CDH8: variants seen among roughly 807,000 people sequenced by gnomAD.
CDH8 encodes the protein cadherin 8, also known as cadherin-8.
In CDH8, 17 loss-of-function variants were observed where a neutral mutation model predicts 68.1. That is an observed-to-expected ratio of 0.25 (90% confidence interval 0.17 to 0.37). The LOEUF (loss-of-function observed/expected upper bound fraction) is 0.37, where lower values mean the gene tolerates loss of function less well. Among genes scored for constraint, CDH8 ranks in the 10% least tolerant of loss-of-function variants. The probability of loss-of-function intolerance (pLI) is 1.00; values close to 1 mark genes in which losing one functional copy is unlikely to be tolerated. For missense variants in CDH8, 763 were observed against 999.3 expected (o/e 0.76, Z 3.19); for synonymous variants, 372 against 365.1 (o/e 1.02, Z -0.21).
intron 1 of CDH8, among the ~76,000 whole-genome samples, chr16:62,023,886 T>C (rs1187003422): frequency 6.6e-6 from 1 of 152,204 alleles, no homozygotes; most frequent in Non-Finnish European, 1.5e-5. Context: ...ATGTATGTTA[T>C]TCTCCAAAGG....
intron 2 of CDH8, among the ~76,000 whole-genome samples, chr16:61,925,190 T>G (rs1043123526): frequency 6.6e-6 from 1 of 152,128 alleles, no homozygotes; most frequent in Non-Finnish European, 1.5e-5. Flanking sequence ...ATTGTCCAAT[T>G]AAAGCAGGTG....
chr16:61,668,790 A>G (rs1214360305), intron 10 of CDH8, among the ~76,000 whole-genome samples: 1 of 151,968 alleles, frequency 6.6e-6, no homozygotes, highest in African/African-American at 2.4e-5. Flanking sequence ...AGAAGAGCAA[A>G]TTCCCTACCA....
intron 3 of CDH8, among the ~76,000 whole-genome samples, chr16:61,883,870 A>T (rs1963622909): frequency 6.6e-6 from 1 of 152,126 alleles, no homozygotes; most frequent in Non-Finnish European, 1.5e-5. Flanking sequence ...TATTAAATGT[A>T]TTTGATGAGA....
chr16:61,965,369 G>A (rs1423870884), intron 2 of CDH8, among the ~76,000 whole-genome samples: 1 of 152,146 alleles, frequency 6.6e-6, no homozygotes, highest in Non-Finnish European at 1.5e-5. Context: ...CATAAGGGCT[G>A]GGATCACGTC....
chr16:61,810,020 A>T (rs935223992), intron 7 of CDH8, among the ~76,000 whole-genome samples: 1 of 152,228 alleles, frequency 6.6e-6, no homozygotes. Flanking sequence ...GCACTTTTAT[A>T]TCATAAAAAA....
intron 8 of CDH8, among the ~76,000 whole-genome samples, chr16:61,741,870 T>C (rs1322641034): frequency 2.0e-5 from 3 of 152,164 alleles, no homozygotes; most frequent in Non-Finnish European, 4.4e-5. Flanking sequence ...TTTGCCAAAT[T>C]ATACACACAC....
intron 5 of CDH8, among the ~76,000 whole-genome samples, chr16:61,821,351 A>C (rs569665405): frequency 3.9e-5 from 6 of 152,196 alleles, no homozygotes; most frequent in Admixed American, 3.3e-4. Context: ...CTTCTGAGAT[A>C]TGAAACTTAC....
chr16:61,764,089 A>C (rs1960532722), intron 8 of CDH8, among the ~76,000 whole-genome samples: 1 of 152,112 alleles, frequency 6.6e-6, no homozygotes, highest in Non-Finnish European at 1.5e-5. Flanking sequence ...AGGCATAGTG[A>C]AATGTGCAAA....
intron 3 of CDH8, among the ~76,000 whole-genome samples, chr16:61,888,353 T>A (rs1963714423): frequency 6.6e-6 from 1 of 152,198 alleles, no homozygotes; most frequent in Non-Finnish European, 1.5e-5. Context: ...AGTGTATTCC[T>A]GGTCTTTCCC....
chr16:61,801,707 A>G (rs1399096937), intron 7 of CDH8, among the ~76,000 whole-genome samples: 1 of 152,178 alleles, frequency 6.6e-6, no homozygotes, highest in Non-Finnish European at 1.5e-5. Context: ...GGGGTGACGG[A>G]CGCACCTGGA....
At chr16:61,822,224 TTTTTTTTTTTTTTTTTTTTTTG>T (rs1273591864) in intron 5 of CDH8, among the ~76,000 whole-genome samples, 3 of 120,276 alleles carry the variant, frequency 2.5e-5, no homozygotes, top group African/African-American at 1.0e-4. Flanking sequence ...TTTTTTTTTT[TTTTTTTTTTTTTTTTTTTTTTG>T]GCTATTTCTC....
intron 10 of CDH8, among the ~76,000 whole-genome samples, chr16:61,673,698 T>C (rs948118633): frequency 7.2e-5 from 11 of 152,126 alleles, no homozygotes; most frequent in African/African-American, 2.7e-4. Context: ...TTCAGTGAGA[T>C]TTAGTGACAA....
chr16:61,660,308 GAGGGAC>G (rs1963530501), intron 10 of CDH8, among the ~76,000 whole-genome samples: 1 of 151,052 alleles, frequency 6.6e-6, no homozygotes, highest in African/African-American at 2.4e-5. Context: ...AAGCCCATGA[GAGGGAC>G]AATAAAAAAT....
At chr16:62,015,105 T>C (rs1901904332) in intron 2 of CDH8, among the ~76,000 whole-genome samples, 1 of 152,150 alleles carries the variant, frequency 6.6e-6, no homozygotes, top group South Asian at 2.1e-4. Flanking sequence ...TTTTGAGCAC[T>C]GACATGACAC....
chr16:61,985,998 A>G (rs1165924745), intron 2 of CDH8, among the ~76,000 whole-genome samples: 1 of 134,404 alleles, frequency 7.4e-6, no homozygotes, highest in African/African-American at 2.9e-5. Flanking sequence ...AGCTCAACTC[A>G]CTGCAACCTC....
In CDH8 at chr16:61,949,142, G is replaced by A. The variant is rs771360883; in HGVS notation, c.253-47669C>T. Among the ~76,000 whole-genome samples the A allele has an allele frequency of 1.4e-4, 22 of 152,220 alleles. 1 individual carries two copies. The highest frequency in any genetic ancestry group is 4.2e-4 in the South Asian group (2 of 4,816). On this transcript the variant is annotated intron_variant, in intron 2 of 11. Transcript: ENST00000577390. ...ATCTCTGTTTCACATTGTCGCAGCC[G>A]CCAGACTAAAGACATGGGTATCAGG...
At chr16:61,981,131 G>A (rs1039193543) in intron 2 of CDH8, among the ~76,000 whole-genome samples, 1 of 152,124 alleles carries the variant, frequency 6.6e-6, no homozygotes, top group Admixed American at 6.6e-5. Flanking sequence ...AACTTATGAA[G>A]TATTAGCTAT....
intron 8 of CDH8, among the ~76,000 whole-genome samples, chr16:61,746,323 A>G (rs1596926239): frequency 6.6e-6 from 1 of 151,990 alleles, no homozygotes; most frequent in Non-Finnish European, 1.5e-5. Context: ...ACTGATTTCC[A>G]TGTGGTCTCT....
intron 1 of CDH8, among the ~76,000 whole-genome samples, chr16:62,032,919 A>G (rs1330275900): frequency 6.6e-6 from 1 of 152,194 alleles, no homozygotes; most frequent in African/African-American, 2.4e-5. Flanking sequence ...CAGCTGTTGA[A>G]GTGTGGGTTT....
Sources: gnomAD v4.1 joint callset for allele counts (sites outside exome capture counted in the v4.1 genomes callset) on GRCh38, gnomAD v4.1.1 for gene constraint, MANE v1.5 for transcripts, NCBI Gene and HGNC (gene_info 2026-07-23, HGNC 2026-07-21) for gene names.